The following RNF212B variants were observed in gnomAD, a reference collection of about 807,000 sequenced individuals.
RNF212B encodes the protein ring finger protein 212B.
In RNF212B, 52 loss-of-function variants were observed where a neutral mutation model predicts 55.5. The ratio of observed to expected loss-of-function variants is 0.94; its 90% CI spans 0.75 to 1.18. The LOEUF is 1.18. Among genes scored for constraint, RNF212B ranks in the 50% most tolerant of loss-of-function variants. The pLI, the probability that RNF212B is intolerant of heterozygous loss-of-function variation, is 0.00. For synonymous variants in RNF212B, 99 were observed against 121.4 expected (o/e 0.82, Z 1.21); for missense variants, 289 against 350.4 (o/e 0.82, Z 1.40).
chr14:23,225,614 C>A (rs1566409724), intron 2 of RNF212B, among the ~76,000 whole-genome samples: 1 of 148,734 alleles, frequency 6.7e-6, no homozygotes, highest in African/African-American at 2.5e-5. Flanking sequence ...CAAAACAATT[C>A]ATGAAGATAG....
At chr14:23,208,961 T>C (rs537700685) in intron 2 of RNF212B, among the ~76,000 whole-genome samples, 1 of 151,442 alleles carries the variant, frequency 6.6e-6, no homozygotes, top group East Asian at 2.0e-4. Flanking sequence ...GGTTTCATCG[T>C]GTTAGCCGGG....
intron 2 of RNF212B, among the ~76,000 whole-genome samples, chr14:23,231,481 A>C (rs1463377441): frequency 6.6e-6 from 1 of 152,254 alleles, no homozygotes; most frequent in African/African-American, 2.4e-5. Flanking sequence ...AAATTAACTC[A>C]AATGAATCAT....
chr14:23,210,306 C>T (rs190781413), intron 2 of RNF212B, among the ~76,000 whole-genome samples: 2 of 152,298 alleles, frequency 1.3e-5, no homozygotes, highest in Admixed American at 1.3e-4. Flanking sequence ...ATTGAGAAAC[C>T]GTCTCTGACC....
At chr14:23,204,911 C>T (rs1879681935) in intron 2 of RNF212B, among the ~76,000 whole-genome samples, 1 of 152,040 alleles carries the variant, frequency 6.6e-6, no homozygotes, top group Admixed American at 6.6e-5. Context: ...GTGTTTTGTA[C>T]TTTTCCTTGT....
At chr14:23,224,632 C>CGGTGG in intron 2 of RNF212B, among the ~76,000 whole-genome samples, 1 of 152,180 alleles carries the variant, frequency 6.6e-6, no homozygotes, top group Non-Finnish European at 1.5e-5. Context: ...GAATCTAAGA[C>CGGTGG]CTCAAACTAT....
At chr14:23,240,104 TACAC>T (rs928607995) in intron 1 of RNF212B, among the ~76,000 whole-genome samples, 37 of 151,500 alleles carry the variant, frequency 2.4e-4, no homozygotes, top group Admixed American at 3.9e-4. Context: ...TATATATATA[TACAC>T]ACACACACAT....
chr14:23,240,256 C>T (rs1023647554), intron 1 of RNF212B, 89 bp from the exon 2 acceptor site: 7 of 840,620 alleles, frequency 8.3e-6, no homozygotes, highest in Non-Finnish European at 1.3e-5. Context: ...CTATCAGAAG[C>T]TAAGCAAGCA....
At chr14:23,215,510 A>G (rs1485324945) in intron 2 of RNF212B, among the ~76,000 whole-genome samples, 1 of 152,178 alleles carries the variant, frequency 6.6e-6, no homozygotes, top group Non-Finnish European at 1.5e-5. Context: ...GTATCTTTAA[A>G]CAAACAAACA....
At chr14:23,232,782 G>C (rs1478486360) in intron 2 of RNF212B, among the ~76,000 whole-genome samples, 1 of 132,060 alleles carries the variant, frequency 7.6e-6, no homozygotes, top group Non-Finnish European at 1.6e-5. Flanking sequence ...CTGGGAGGGA[G>C]GTGGGGGGGG....
chr14:23,267,363 C>A (rs561964418), intron 11 of RNF212B, among the ~76,000 whole-genome samples: 147 of 152,196 alleles, frequency 9.7e-4, no homozygotes, highest in African/African-American at 3.4e-3. Context: ...TTGTTAGATG[C>A]ACATATAAAT....
At chr14:23,253,293 C>T (rs1394965359) in intron 4 of RNF212B, among the ~76,000 whole-genome samples, 1 of 152,068 alleles carries the variant, frequency 6.6e-6, no homozygotes, top group Non-Finnish European at 1.5e-5. Context: ...AATTGAGTTT[C>T]AATAAAGGTA....
chr14:23,252,997 T>C (rs1004799962), intron 4 of RNF212B, among the ~76,000 whole-genome samples: 1 of 152,100 alleles, frequency 6.6e-6, no homozygotes, highest in Non-Finnish European at 1.5e-5. Context: ...ATGAGGACGG[T>C]TTATTTTCAT....
upstream of RNF212B, among the ~76,000 whole-genome samples, chr14:23,236,479 C>T (rs1225306406): frequency 1.3e-5 from 2 of 152,164 alleles, no homozygotes; most frequent in Non-Finnish European, 2.9e-5. Context: ...GGCGCCACTG[C>T]ACTCCAGCCC....
At chr14:23,245,965 T>C (rs930838761) in intron 4 of RNF212B, among the ~76,000 whole-genome samples, 1 of 152,200 alleles carries the variant, frequency 6.6e-6, no homozygotes, top group Non-Finnish European at 1.5e-5. Context: ...TATCTATTTA[T>C]GTTTTTATGT....
chr14:23,229,262 A>ATATATC, intron 2 of RNF212B, among the ~76,000 whole-genome samples: 1 of 116,170 alleles, frequency 8.6e-6, no homozygotes, highest in East Asian at 2.3e-4. Context: ...ATATATATAT[A>ATATATC]CCACATTGTT....
intron 4 of RNF212B, among the ~76,000 whole-genome samples, chr14:23,247,566 A>G (rs1342214781): frequency 6.6e-6 from 1 of 152,108 alleles, no homozygotes; most frequent in African/African-American, 2.4e-5. Context: ...AGTTTCATCC[A>G]TGTTGTAGCA....
chr14:23,194,371 A>T (rs1878431301), intron 2 of RNF212B, among the ~76,000 whole-genome samples: 1 of 152,170 alleles, frequency 6.6e-6, no homozygotes. Context: ...ATGAAGAAAA[A>T]ATTGATAGAA....
At chr14:23,262,370 T>C (rs1885357787) in intron 7 of RNF212B, among the ~76,000 whole-genome samples, 1 of 152,180 alleles carries the variant, frequency 6.6e-6, no homozygotes, top group South Asian at 2.1e-4. Context: ...GACAGATGTA[T>C]GGTTGAGAGT....
At chr14:23,220,599 G>A (rs1000247811) in intron 2 of RNF212B, among the ~76,000 whole-genome samples, 7 of 151,868 alleles carry the variant, frequency 4.6e-5, no homozygotes, top group African/African-American at 1.7e-4. Flanking sequence ...GCTGAGGCAG[G>A]TGGATCACGA....
Sources: gnomAD v4.1 joint callset for allele counts (sites outside exome capture counted in the v4.1 genomes callset) on GRCh38, gnomAD v4.1.1 for gene constraint, MANE v1.5 for transcripts, NCBI Gene and HGNC (gene_info 2026-07-23, HGNC 2026-07-21) for gene names.